TRPM1: variants seen among roughly 807,000 people sequenced by gnomAD.
The protein encoded by TRPM1 is transient receptor potential cation channel subfamily M member 1.
TRPM1 carries 113 observed loss-of-function variants against 149.4 expected under a neutral mutation model. The ratio of observed to expected loss-of-function variants is 0.76; its 90% confidence interval spans 0.65 to 0.88. The LOEUF (loss-of-function observed/expected upper bound fraction) is 0.88, where lower values mean the gene tolerates loss of function less well. Ranked by LOEUF, TRPM1 falls within the 40% of genes least tolerant of loss-of-function variation. The probability of loss-of-function intolerance (pLI) is 0.00; values close to 1 mark genes in which losing one functional copy is unlikely to be tolerated. For missense variants in TRPM1, 1,976 were observed against 2,038.7 expected (o/e 0.97, Z 0.59); for synonymous variants, 741 against 759.5 (o/e 0.98, Z 0.40).
chr15:31,089,431 C>T (rs868228102), intron 1 of TRPM1, among the ~76,000 whole-genome samples: 5 of 152,220 alleles, frequency 3.3e-5, no homozygotes, highest in Admixed American at 6.5e-5. Context: ...GGCTTGATGC[C>T]TATGACAGGT....
intron 27 of TRPM1, among the ~76,000 whole-genome samples, chr15:31,022,730 C>T (rs190933248): frequency 8.6e-4 from 131 of 152,018 alleles, no homozygotes; most frequent in African/African-American, 2.9e-3. Context: ...AATTTATATT[C>T]GAATCAGGAG....
intron 18 of TRPM1, among the ~76,000 whole-genome samples, chr15:31,039,830 C>T (rs1419316209): frequency 1.3e-5 from 2 of 152,158 alleles, no homozygotes; most frequent in Non-Finnish European, 2.9e-5. Context: ...GAGACTCTGA[C>T]TGTGGCAGGG....
At chr15:31,065,391 C>G (rs1045869437) in intron 7 of TRPM1, among the ~76,000 whole-genome samples, 1 of 152,184 alleles carries the variant, frequency 6.6e-6, no homozygotes, top group Non-Finnish European at 1.5e-5. Flanking sequence ...ACAAACTGCT[C>G]TTTCAGATCA....
intron 11 of TRPM1, among the ~76,000 whole-genome samples, chr15:31,053,645 T>A (rs2034008383): frequency 6.6e-6 from 1 of 151,996 alleles, no homozygotes. Flanking sequence ...GCACTGTGGG[T>A]GGAAATGTAA....
chr15:31,146,043 G>T (rs2036220756), intron 1 of TRPM1, among the ~76,000 whole-genome samples: 1 of 152,122 alleles, frequency 6.6e-6, no homozygotes, highest in South Asian at 2.1e-4. Context: ...CCACAGGTAG[G>T]ACACACTTGG....
At chr15:31,104,758 C>T (rs575274887), upstream of TRPM1, among the ~76,000 whole-genome samples, 93 of 151,750 alleles carry the variant, frequency 6.1e-4, no homozygotes, top group East Asian at 7.2e-3. Context: ...CACGCCCGGC[C>T]AATTTTTTTG....
In TRPM1 at chr15:31,061,459, A is replaced by G. The variant is rs776100525; in HGVS notation, c.1145T>C (p.Leu382Ser). ...EGQQDIEMAILTALLKGTNVS... is the reference protein window; with the variant it reads ...EGQQDIEMAISTALLKGTNVS... ...GAGCTCACCTTTCAGCAGGGCAGTT[A>G]AAATTGCCATCTCGATGTCCTGCTG... is the stretch of plus-strand genomic sequence containing the variant. Residue 382 changes from leucine to serine, a missense_variant, in exon 10 of 28, where the codon TTA becomes TCA. Leu to Ser is a moderately radical substitution (Grantham distance 145). Transcript: ENST00000256552. 1 of 1,614,132 alleles carries G rather than the reference A, an allele frequency of 6.2e-7. No homozygotes were observed. Among genetic ancestry groups the G allele is most frequent in the Non-Finnish European group, 8.5e-7 (1 of 1,179,992 alleles).
chr15:31,096,529 T>A (rs1489369926), intron 1 of TRPM1, among the ~76,000 whole-genome samples: 1 of 152,212 alleles, frequency 6.6e-6, no homozygotes, highest in African/African-American at 2.4e-5. Flanking sequence ...TTGGCCAACA[T>A]CACCTGGCCA....
rs545863286 is a variant in TRPM1 at position 31,075,996 on chromosome 15, G to A, written c.83+909C>T. ...TTGCCTGGGCATCTGGCTTCATGGAGGACTGCAGTGCTGGCACAGAGAGTT... is the reference window on the plus strand; with the variant it reads ...TTGCCTGGGCATCTGGCTTCATGGAAGACTGCAGTGCTGGCACAGAGAGTT... On this transcript the variant is annotated intron_variant, in intron 3 of 27. Transcript: ENST00000256552. 3.3e-5 allele frequency among the ~76,000 whole-genome samples: 5 copies of A among 152,144 alleles called. No individual in the cohort carries two copies. The South Asian group carries it at 1.0e-3, about 32-fold the overall frequency.
chr15:31,125,206 AAACTC>A (rs1198520096), intron 1 of TRPM1, among the ~76,000 whole-genome samples: 1 of 152,046 alleles, frequency 6.6e-6, no homozygotes, highest in Non-Finnish European at 1.5e-5. Flanking sequence ...AAAAACAAAA[AAACTC>A]AGAATGTACA....
chr15:31,113,615 T>G (rs574594575), intron 1 of TRPM1, among the ~76,000 whole-genome samples: 4 of 152,188 alleles, frequency 2.6e-5, no homozygotes, highest in Non-Finnish European at 5.9e-5. Context: ...TAAACTTGTG[T>G]CATAGCACTT....
chr15:31,115,544 C>T (rs1014023780), intron 1 of TRPM1, among the ~76,000 whole-genome samples: 12 of 152,134 alleles, frequency 7.9e-5, no homozygotes, highest in Admixed American at 4.6e-4. Context: ...TTTCTGGAGG[C>T]TGACTGTGGA....
intron 1 of TRPM1, among the ~76,000 whole-genome samples, chr15:31,130,878 C>T (rs188480519): frequency 6.6e-6 from 1 of 152,280 alleles, no homozygotes; most frequent in East Asian, 1.9e-4. Context: ...AATAATAAAA[C>T]TCCCATCTCC....
chr15:31,031,763 A>C (rs2033091632), intron 22 of TRPM1, among the ~76,000 whole-genome samples: 1 of 152,152 alleles, frequency 6.6e-6, no homozygotes, highest in Non-Finnish European at 1.5e-5. Context: ...TTCTTGTACC[A>C]GTCCTAACAC....
At chr15:31,047,005 A>T in intron 15 of TRPM1, 106 bp downstream of exon 15, 1 of 1,478,582 alleles carries the variant, frequency 6.8e-7, no homozygotes, top group Non-Finnish European at 9.4e-7. Flanking sequence ...TGTGCTGGGG[A>T]CAGGGCGAAG....
chr15:31,032,821 T>TA lies in TRPM1; in HGVS notation c.2819dup (p.Gln941ThrfsTer109), dbSNP rs777140338. 18 of 1,614,222 alleles carry TA rather than the reference T, an allele frequency of 1.1e-5. No homozygotes were observed. Among genetic ancestry groups the TA allele is most frequent in the Non-Finnish European group, 1.5e-5 (18 of 1,180,040 alleles). The stretch of plus-strand genomic sequence containing the variant: ...CATAGCCCATGTAGGGCTGGTTCTG[T>TA]AGGCGAAGAATTGCTCCAATCATGA... On this transcript the variant is annotated frameshift_variant, in exon 22 of 28. Transcript: ENST00000256552. LOFTEE classifies it high-confidence loss of function.
At chr15:31,124,117 C>T (rs980323217) in intron 1 of TRPM1, among the ~76,000 whole-genome samples, 1 of 152,118 alleles carries the variant, frequency 6.6e-6, no homozygotes, top group Non-Finnish European at 1.5e-5. Context: ...AACCTCATCT[C>T]TACTAAAAAA....
Position 31,026,211 on chromosome 15 carries a change from T to G in TRPM1, c.3557A>C (p.Gln1186Pro), listed in dbSNP as rs539619958. Residue 1186 changes from glutamine to proline, a missense_variant, in exon 27 of 28, where the codon CAG becomes CCG. This residue lies in a region of TRPM1 where 572 missense variants were observed against 578.9 expected (regional missense o/e 0.99). Coordinates refer to ENST00000256552, the MANE Select transcript of TRPM1 (RefSeq NM_001252024.2). Reference sequence around the variant, plus strand: ...ATCCTCCTTCTCCCGGAAGTGCTCCTGCACGCACTGCTCCTCGAACTCATG... The same window carrying G: ...ATCCTCCTTCTCCCGGAAGTGCTCCGGCACGCACTGCTCCTCGAACTCATG... ...RLHEFEEQCV[Q>P]EHFREKEDEQ... 6.2e-7 allele frequency: 1 copy of G among 1,612,562 alleles called. No homozygotes were observed. Among genetic ancestry groups the G allele is most frequent in the Non-Finnish European group, 8.5e-7 (1 of 1,180,040 alleles).
intron 1 of TRPM1, among the ~76,000 whole-genome samples, chr15:31,127,531 G>A (rs2035966226): frequency 6.6e-6 from 1 of 152,244 alleles, no homozygotes; most frequent in African/African-American, 2.4e-5. Context: ...GCTGAGGGCA[G>A]CCCAGGACAG....
Sources: gnomAD v4.1 joint callset for allele counts (sites outside exome capture counted in the v4.1 genomes callset) on GRCh38, gnomAD v4.1.1 for gene constraint, gnomAD v4.1.1 regional missense constraint, MANE v1.5 for transcripts, NCBI Gene and HGNC (gene_info 2026-07-23, HGNC 2026-07-21) for gene names.